EXOC4: variants seen among roughly 807,000 people sequenced by gnomAD.
EXOC4 encodes SEC8-like 1.
EXOC4 carries 71 observed loss-of-function variants against 107.2 expected under a neutral mutation model. That is an observed-to-expected ratio of 0.66 (90% CI 0.55 to 0.81). The LOEUF (loss-of-function observed/expected upper bound fraction) is 0.81. Ranked by LOEUF, EXOC4 falls within the 30% of genes least tolerant of loss-of-function variation. The probability of loss-of-function intolerance (pLI) is 0.00; values close to 1 mark genes in which losing one functional copy is unlikely to be tolerated. For missense variants in EXOC4, 1,108 were observed against 1,189.6 expected (o/e 0.93, Z 1.01); for synonymous variants, 456 against 441.2 (o/e 1.03, Z -0.42).
intron 15 of EXOC4, among the ~76,000 whole-genome samples, chr7:134,000,541 C>T (rs1794507899): frequency 6.6e-6 from 1 of 152,090 alleles, no homozygotes; most frequent in South Asian, 2.1e-4. Context: ...GGCTACTTTA[C>T]AAAACAAAAC....
At chr7:133,321,049 G>C (rs1322279268) in intron 5 of EXOC4, among the ~76,000 whole-genome samples, 1 of 152,132 alleles carries the variant, frequency 6.6e-6, no homozygotes, top group East Asian at 1.9e-4. Context: ...CTCATTTTGT[G>C]AAACAGTAAG....
chr7:133,752,764 T>C (rs1451030410), intron 10 of EXOC4, among the ~76,000 whole-genome samples: 1 of 152,222 alleles, frequency 6.6e-6, no homozygotes, highest in Non-Finnish European at 1.5e-5. Context: ...CACAAGTAAC[T>C]TGACTCAACG....
chr7:133,497,910 A>T (rs1261196435), intron 9 of EXOC4, among the ~76,000 whole-genome samples: 1 of 152,110 alleles, frequency 6.6e-6, no homozygotes, highest in Non-Finnish European at 1.5e-5. Context: ...GAAAGAATGG[A>T]GGTCTAATAG....
chr7:133,488,456 G>T (rs974549112), intron 9 of EXOC4, among the ~76,000 whole-genome samples: 3 of 151,926 alleles, frequency 2.0e-5, no homozygotes, highest in Non-Finnish European at 4.4e-5. Flanking sequence ...GGCACCCAGG[G>T]TACTATTTAA....
At chr7:133,749,590 C>A (rs895687366) in intron 10 of EXOC4, among the ~76,000 whole-genome samples, 1 of 152,104 alleles carries the variant, frequency 6.6e-6, no homozygotes. Context: ...GATGGGGTTT[C>A]GCCATGTTGG....
At chr7:133,331,461 CTTTTTTT>C (rs58568173) in intron 5 of EXOC4, among the ~76,000 whole-genome samples, 12 of 85,598 alleles carry the variant, frequency 1.4e-4, no homozygotes, top group East Asian at 3.5e-4. Flanking sequence ...TTTCTTTTTT[CTTTTTTT>C]TTTTTTTTTT....
chr7:133,546,639 C>G (rs1383182042), intron 9 of EXOC4, among the ~76,000 whole-genome samples: 1 of 152,082 alleles, frequency 6.6e-6, no homozygotes, highest in Admixed American at 6.5e-5. Context: ...TGTTTCCTTC[C>G]TTTTCAAAAG....
chr7:133,319,512 G>A (rs919502787), intron 5 of EXOC4, among the ~76,000 whole-genome samples: 2 of 151,954 alleles, frequency 1.3e-5, no homozygotes, highest in African/African-American at 2.4e-5. Flanking sequence ...TATTTGAGAC[G>A]GTGTTTCACT....
At chr7:133,633,423 T>C (rs1802635510) in intron 10 of EXOC4, among the ~76,000 whole-genome samples, 1 of 152,034 alleles carries the variant, frequency 6.6e-6, no homozygotes, top group Non-Finnish European at 1.5e-5. Context: ...TAGCTCATAT[T>C]AAAAAATAAG....
At chr7:133,844,170 G>A (rs1200250004) in intron 11 of EXOC4, among the ~76,000 whole-genome samples, 1 of 151,948 alleles carries the variant, frequency 6.6e-6, no homozygotes, top group East Asian at 1.9e-4. Flanking sequence ...AATGATTCTG[G>A]CCTCACAGAA....
intron 5 of EXOC4, among the ~76,000 whole-genome samples, chr7:133,329,291 A>G (rs533369245): frequency 1.9e-4 from 29 of 152,274 alleles, no homozygotes; most frequent in Non-Finnish European, 3.4e-4. Flanking sequence ...GCTCTTCTCT[A>G]TACTGGTTCT....
intron 9 of EXOC4, among the ~76,000 whole-genome samples, chr7:133,565,090 A>G (rs1800881815): frequency 6.6e-6 from 1 of 152,168 alleles, no homozygotes; most frequent in Admixed American, 6.5e-5. Context: ...ACCTTGGTAA[A>G]TACTTCTCCC....
chr7:133,272,851 T>C (rs533131258), intron 1 of EXOC4, among the ~76,000 whole-genome samples: 1 of 152,196 alleles, frequency 6.6e-6, no homozygotes, highest in Non-Finnish European at 1.5e-5. Flanking sequence ...GATCCAGTAA[T>C]GTGTTAACAG....
intron 9 of EXOC4, among the ~76,000 whole-genome samples, chr7:133,511,830 A>T (rs1799775149): frequency 6.7e-6 from 1 of 149,488 alleles, no homozygotes; most frequent in African/African-American, 2.5e-5. Context: ...TGGTTCCCTT[A>T]AGTATAATCA....
At chr7:133,282,955 G>T (rs773226333) in intron 2 of EXOC4, among the ~76,000 whole-genome samples, 8 of 152,044 alleles carry the variant, frequency 5.3e-5, no homozygotes, top group Non-Finnish European at 7.4e-5. Context: ...CTGAGCCCCT[G>T]GTAACTACTG....
intron 7 of EXOC4, among the ~76,000 whole-genome samples, chr7:133,432,342 TG>T (rs1235905799): frequency 2.0e-5 from 3 of 152,230 alleles, no homozygotes; most frequent in African/African-American, 7.2e-5. Flanking sequence ...AAAATGTGGA[TG>T]ATAATAATAA....
At chr7:133,789,238 G>A (rs149961292) in intron 10 of EXOC4, among the ~76,000 whole-genome samples, 10 of 152,214 alleles carry the variant, frequency 6.6e-5, no homozygotes, top group African/African-American at 1.2e-4. Flanking sequence ...CATCTATTCC[G>A]GAAATGTGAT....
chr7:133,715,156 C>T (rs1378453951), intron 10 of EXOC4, among the ~76,000 whole-genome samples: 3 of 152,142 alleles, frequency 2.0e-5, no homozygotes, highest in African/African-American at 7.2e-5. Context: ...TCCAGTATCT[C>T]TAATTCCAAA....
At chr7:134,017,586 G>C (rs921232163) in intron 17 of EXOC4, among the ~76,000 whole-genome samples, 9 of 151,810 alleles carry the variant, frequency 5.9e-5, no homozygotes, top group Admixed American at 3.3e-4. Flanking sequence ...GCTTTTTTCT[G>C]ATCTCCCTTT....
Sources: gnomAD v4.1 joint callset for allele counts (sites outside exome capture counted in the v4.1 genomes callset) on GRCh38, gnomAD v4.1.1 for gene constraint, MANE v1.5 for transcripts, NCBI Gene and HGNC (gene_info 2026-07-23, HGNC 2026-07-21) for gene names.